The following BCKDHB variants were observed in gnomAD, a reference collection of about 807,000 sequenced individuals.
The protein encoded by BCKDHB is branched chain keto acid dehydrogenase E1 subunit beta, also known as 2-oxoisovalerate dehydrogenase subunit beta, mitochondrial.
In BCKDHB, 41 loss-of-function variants were observed where a neutral mutation model predicts 48.5. That is an observed-to-expected ratio of 0.85 (90% CI 0.66 to 1.10). BCKDHB has a LOEUF of 1.10. BCKDHB is among the 50% of genes least tolerant of loss of function. The pLI is 0.00. For missense variants in BCKDHB, 496 were observed against 494.2 expected, an observed-to-expected ratio of 1.00 and a Z score of -0.03; for synonymous variants, 201 against 174.8, an observed-to-expected ratio of 1.15 and a Z score of -1.18.
downstream of BCKDHB, among the ~76,000 whole-genome samples, chr6:80,350,055 AT>A (rs1770350195): frequency 6.6e-6 from 1 of 152,132 alleles, no homozygotes; most frequent in Admixed American, 6.6e-5. Flanking sequence ...GGAAAAGAAT[AT>A]TGTAAAAGCA....
intron 8 of BCKDHB, among the ~76,000 whole-genome samples, chr6:80,237,526 T>C (rs192225781): frequency 8.5e-4 from 129 of 152,366 alleles, no homozygotes; most frequent in African/African-American, 3.0e-3. Context: ...TCACTCATCA[T>C]ACTTAGTGTT....
chr6:80,290,958 A>G (rs1766878297), intron 9 of BCKDHB, among the ~76,000 whole-genome samples: 2 of 152,222 alleles, frequency 1.3e-5, no homozygotes, highest in Admixed American at 6.5e-5. Flanking sequence ...TGTAGCAGTC[A>G]GGATGACCTG....
the BCKDHB span, among the ~76,000 whole-genome samples, chr6:80,385,916 C>T: frequency 6.6e-6 from 1 of 152,204 alleles, no homozygotes; most frequent in Non-Finnish European, 1.5e-5. Flanking sequence ...AGTAGGGAAT[C>T]TGCATTTAAT....
intron 8 of BCKDHB, among the ~76,000 whole-genome samples, chr6:80,264,837 G>A (rs1026496839): frequency 6.6e-6 from 1 of 152,066 alleles, no homozygotes; most frequent in African/African-American, 2.4e-5. Flanking sequence ...GATGTATTAA[G>A]CACCTTTGAA....
At chr6:80,167,640 A>G in intron 3 of BCKDHB, 38 bp from the exon 4 acceptor site, 2 of 1,559,336 alleles carry the variant, frequency 1.3e-6, no homozygotes, top group Non-Finnish European at 1.8e-6. Flanking sequence ...CATTACTCTC[A>G]TTTGCCACAT....
chr6:80,215,775 C>T lies in BCKDHB; in HGVS notation c.951+12563C>T, dbSNP rs551560258. Among the ~76,000 whole-genome samples, 40 of 152,218 alleles carry T rather than the reference C, an allele frequency of 2.6e-4. No homozygotes were observed. The South Asian group carries it at 7.0e-3, about 27-fold the overall frequency. On this transcript the variant is annotated intron_variant, in intron 8 of 9. Transcript: ENST00000320393. ...TTTTTGTTTTTTTGAGACGGAGTCT[C>T]GCCGTGCCACCAGTCTGGAGTGCAG...
chr6:80,319,121 A>C (rs1371472428), intron 9 of BCKDHB, among the ~76,000 whole-genome samples: 1 of 152,146 alleles, frequency 6.6e-6, no homozygotes, highest in African/African-American at 2.4e-5. Flanking sequence ...TAACCAGATA[A>C]GTCTTCTCCT....
chr6:80,359,616 A>G, the BCKDHB span, among the ~76,000 whole-genome samples: 5 of 152,122 alleles, frequency 3.3e-5, no homozygotes, highest in African/African-American at 1.2e-4. Context: ...GTTTTTTGAG[A>G]TGGAGTCTCC....
chr6:80,343,796 A>T lies in BCKDHB; in HGVS notation c.1171A>T (p.Asn391Tyr). The change falls in exon 10 of 10, where the codon AAC (asparagine) becomes TAC (tyrosine). Residue 391 changes from asparagine to tyrosine, a missense_variant. Physicochemically the swap from Asn to Tyr is moderately radical, Grantham distance 143. Coordinates refer to ENST00000320393, the MANE Select transcript of BCKDHB (RefSeq NM_183050.4). ...KCYDALRKMI[N>Y]Y ...TTATGATGCCCTTCGAAAAATGATC[A>T]ACTATTGACCATATAGGTAGGTATG... 6.2e-7 allele frequency: 1 copy of T among 1,613,952 alleles called. No individual in the cohort carries two copies. The highest frequency in any genetic ancestry group is 8.5e-7 in the Non-Finnish European group (1 of 1,179,954).
intron 3 of BCKDHB, among the ~76,000 whole-genome samples, chr6:80,146,464 T>C (rs187786129): frequency 1.3e-5 from 2 of 152,330 alleles, no homozygotes; most frequent in East Asian, 3.9e-4. Flanking sequence ...CATAGGCATC[T>C]ACTTTTGTTC....
chr6:80,439,413 A>C, the BCKDHB span, among the ~76,000 whole-genome samples: 1 of 152,222 alleles, frequency 6.6e-6, no homozygotes, highest in South Asian at 2.1e-4. Context: ...ATGAGCTTTA[A>C]ATTACATAGA....
At chr6:80,318,142 A>G (rs1768537327) in intron 9 of BCKDHB, among the ~76,000 whole-genome samples, 1 of 152,198 alleles carries the variant, frequency 6.6e-6, no homozygotes, top group African/African-American at 2.4e-5. Context: ...GCTTTCCTCT[A>G]TAAAGAGAAG....
At chr6:80,450,435 C>T in the BCKDHB span, among the ~76,000 whole-genome samples, 4 of 152,178 alleles carry the variant, frequency 2.6e-5, no homozygotes, top group East Asian at 7.7e-4. Flanking sequence ...CACCATTACC[C>T]ACCAGACCCC....
At chr6:80,164,857 A>G (rs1310382596) in intron 3 of BCKDHB, among the ~76,000 whole-genome samples, 2 of 152,208 alleles carry the variant, frequency 1.3e-5, no homozygotes, top group African/African-American at 4.8e-5. Context: ...GAATTGCATT[A>G]TAAGATAGAG....
At chr6:80,431,769 A>G in the BCKDHB span, among the ~76,000 whole-genome samples, 4 of 152,152 alleles carry the variant, frequency 2.6e-5, no homozygotes, top group East Asian at 1.9e-4. Context: ...TCTTGACTCT[A>G]TCCAATTTGC....
chr6:80,378,751 C>T, the BCKDHB span, among the ~76,000 whole-genome samples: 1 of 152,074 alleles, frequency 6.6e-6, no homozygotes, highest in African/African-American at 2.4e-5. Flanking sequence ...TACATTCCCT[C>T]CAACAGTGTA....
the BCKDHB span, among the ~76,000 whole-genome samples, chr6:80,439,620 C>T: frequency 6.6e-6 from 1 of 152,126 alleles, no homozygotes; most frequent in African/African-American, 2.4e-5. Flanking sequence ...TTACTTTAAT[C>T]CTGGGCCACT....
At chr6:80,144,242 G>C (rs1771361360) in intron 3 of BCKDHB, among the ~76,000 whole-genome samples, 1 of 152,134 alleles carries the variant, frequency 6.6e-6, no homozygotes, top group African/African-American at 2.4e-5. Context: ...ACCTGAAAAG[G>C]AAAACTTATC....
At chr6:80,312,042 G>A (rs984743881) in intron 9 of BCKDHB, among the ~76,000 whole-genome samples, 1 of 152,078 alleles carries the variant, frequency 6.6e-6, no homozygotes, top group African/African-American at 2.4e-5. Flanking sequence ...AATGATATCA[G>A]TTCTTATTAA....
Sources: gnomAD v4.1 joint callset for allele counts (sites outside exome capture counted in the v4.1 genomes callset) on GRCh38, gnomAD v4.1.1 for gene constraint, MANE v1.5 for transcripts, NCBI Gene and HGNC (gene_info 2026-07-23, HGNC 2026-07-21) for gene names.